Variants in CACNA2D3 observed in about 807,000 individuals in gnomAD.
The protein encoded by CACNA2D3 is voltage-dependent calcium channel subunit alpha-2/delta-3.
A neutral mutation model predicts 160.6 loss-of-function variants in CACNA2D3; 60 were observed. The ratio of observed to expected loss-of-function variants is 0.37; its 90% confidence interval spans 0.30 to 0.46. The LOEUF (loss-of-function observed/expected upper bound fraction) is 0.46. CACNA2D3 is among the 20% of genes least tolerant of loss of function. The probability of loss-of-function intolerance (pLI) is 1.00; values close to 1 mark genes in which losing one functional copy is unlikely to be tolerated. For synonymous variants in CACNA2D3, 558 were observed against 492.9 expected (o/e 1.13, Z -1.75); for missense variants, 1,205 against 1,365.0 (o/e 0.88, Z 1.85).
intron 3 of CACNA2D3, among the ~76,000 whole-genome samples, chr3:54,349,639 T>C (rs1238957073): frequency 6.6e-6 from 1 of 152,220 alleles, no homozygotes; most frequent in Non-Finnish European, 1.5e-5. Flanking sequence ...TCTTTTTTCT[T>C]TTTAATTAGG....
At chr3:54,992,529 C>T (rs1413203784) in intron 31 of CACNA2D3, among the ~76,000 whole-genome samples, 1 of 152,080 alleles carries the variant, frequency 6.6e-6, no homozygotes, top group Admixed American at 6.5e-5. Context: ...CTCTCTGATC[C>T]ACAACTTCTA....
intron 8 of CACNA2D3, among the ~76,000 whole-genome samples, chr3:54,573,371 G>T (rs780248951): frequency 2.0e-5 from 3 of 152,200 alleles, no homozygotes; most frequent in Non-Finnish European, 2.9e-5. Context: ...TGTAGGCAAT[G>T]TATGTAATAA....
chr3:54,949,037 C>A (rs1701688861), intron 27 of CACNA2D3, among the ~76,000 whole-genome samples: 2 of 152,182 alleles, frequency 1.3e-5, no homozygotes, highest in Non-Finnish European at 2.9e-5. Flanking sequence ...TTTTACTTTT[C>A]TTTGTGTCAG....
chr3:54,850,414 C>T (rs995724255), intron 17 of CACNA2D3, among the ~76,000 whole-genome samples: 2 of 152,140 alleles, frequency 1.3e-5, no homozygotes, highest in Admixed American at 6.5e-5. Flanking sequence ...TTTGTTTGAT[C>T]GTTACCACTT....
At chr3:54,613,767 T>C (rs1698791264) in intron 9 of CACNA2D3, among the ~76,000 whole-genome samples, 1 of 152,194 alleles carries the variant, frequency 6.6e-6, no homozygotes, top group African/African-American at 2.4e-5. Flanking sequence ...CTGGATTCCA[T>C]GACTTTGTTA....
At chr3:54,531,606 G>A (rs1701806094) in intron 5 of CACNA2D3, among the ~76,000 whole-genome samples, 1 of 152,156 alleles carries the variant, frequency 6.6e-6, no homozygotes, top group Admixed American at 6.5e-5. Flanking sequence ...GGTGAGGGCG[G>A]CATCTCTTGC....
chr3:54,282,030 C>G (rs940963431), intron 2 of CACNA2D3, among the ~76,000 whole-genome samples: 7 of 152,158 alleles, frequency 4.6e-5, no homozygotes, highest in African/African-American at 1.7e-4. Flanking sequence ...CATGACTAAC[C>G]ACAGCAGTGA....
intron 4 of CACNA2D3, among the ~76,000 whole-genome samples, chr3:54,473,175 C>G (rs76591249): frequency 6.6e-6 from 1 of 152,028 alleles, no homozygotes; most frequent in Non-Finnish European, 1.5e-5. Flanking sequence ...GTACTGGTAC[C>G]AAAACAGATA....
At chr3:54,190,496 A>G (rs528554430) in intron 2 of CACNA2D3, among the ~76,000 whole-genome samples, 1 of 152,274 alleles carries the variant, frequency 6.6e-6, no homozygotes, top group African/African-American at 2.4e-5. Flanking sequence ...ACCTTCCCCA[A>G]ATTGAGAGTT....
At chr3:55,051,274 G>A (rs1213259502) in intron 35 of CACNA2D3, among the ~76,000 whole-genome samples, 1 of 152,114 alleles carries the variant, frequency 6.6e-6, no homozygotes. Flanking sequence ...ATGTACAGAT[G>A]GGTTTTTGGT....
intron 4 of CACNA2D3, among the ~76,000 whole-genome samples, chr3:54,400,618 C>T (rs1699440807): frequency 6.6e-6 from 1 of 152,170 alleles, no homozygotes; most frequent in Non-Finnish European, 1.5e-5. Context: ...TACCAGACAC[C>T]CACAGTCATT....
intron 11 of CACNA2D3, among the ~76,000 whole-genome samples, chr3:54,722,523 T>A (rs1174328936): frequency 6.6e-6 from 1 of 152,242 alleles, no homozygotes; most frequent in Non-Finnish European, 1.5e-5. Flanking sequence ...CTTTTTGTGC[T>A]GGTTTCTCCC....
chr3:54,445,367 C>T (rs968015056), intron 4 of CACNA2D3, among the ~76,000 whole-genome samples: 5 of 152,290 alleles, frequency 3.3e-5, no homozygotes, highest in African/African-American at 7.2e-5. Context: ...ATGCCTGCAA[C>T]ATGAGTTCAG....
chr3:54,188,273 AAAC>A lies in CACNA2D3; in HGVS notation c.204+64680_204+64682del, dbSNP rs1344253116. Among the ~76,000 whole-genome samples the A allele has an allele frequency of 2.1e-3, 313 of 151,274 alleles. 1 individual carries two copies. Among genetic ancestry groups the A allele is most frequent in the African/African-American group, 7.0e-3 (289 of 41,132 alleles). Reference sequence around the variant, plus strand: ...CAAACAAACAAACAAACAAACAAAAAAACCAGTAGCAGGAGAGGCTGTGCAGGA... The same window carrying A: ...CAAACAAACAAACAAACAAACAAAAACAGTAGCAGGAGAGGCTGTGCAGGA... On this transcript the variant is annotated intron_variant, in intron 2 of 37. Transcript: ENST00000474759.
At chr3:54,567,664 TAGCTGGGATTACA>T (rs1702430179) in intron 6 of CACNA2D3, among the ~76,000 whole-genome samples, 1 of 152,210 alleles carries the variant, frequency 6.6e-6, no homozygotes, top group Admixed American at 6.5e-5. Flanking sequence ...ACCTGCCAAG[TAGCTGGGATTACA>T]GGCGCCTGCC....
At chr3:54,359,909 C>G (rs1698713243) in intron 3 of CACNA2D3, among the ~76,000 whole-genome samples, 1 of 152,200 alleles carries the variant, frequency 6.6e-6, no homozygotes, top group Admixed American at 6.5e-5. Context: ...GAGTCATGCT[C>G]AGACCTCTAT....
At chr3:54,145,387 T>A (rs894297634) in intron 2 of CACNA2D3, among the ~76,000 whole-genome samples, 10 of 152,222 alleles carry the variant, frequency 6.6e-5, no homozygotes, top group Non-Finnish European at 1.3e-4. Flanking sequence ...TGGAGCCTGG[T>A]TGCCAAACTG....
chr3:54,462,222 G>A (rs1402900481), intron 4 of CACNA2D3, among the ~76,000 whole-genome samples: 2 of 152,210 alleles, frequency 1.3e-5, no homozygotes, highest in Non-Finnish European at 2.9e-5. Context: ...TGGAATAGGT[G>A]TGGTGTGGTG....
At chr3:54,805,214 A>G (rs1169009548) in intron 13 of CACNA2D3, among the ~76,000 whole-genome samples, 2 of 152,224 alleles carry the variant, frequency 1.3e-5, no homozygotes, top group African/African-American at 4.8e-5. Flanking sequence ...AGCAGAACTG[A>G]AGGAAATAGA....
Sources: gnomAD v4.1 joint callset for allele counts (sites outside exome capture counted in the v4.1 genomes callset) on GRCh38, gnomAD v4.1.1 for gene constraint, MANE v1.5 for transcripts, NCBI Gene and HGNC (gene_info 2026-07-23, HGNC 2026-07-21) for gene names.